The following CACNA1B variants were observed in gnomAD, a reference collection of about 807,000 sequenced individuals.
CACNA1B encodes the protein voltage-dependent N-type calcium channel subunit alpha-1B.
CACNA1B carries 70 observed loss-of-function variants against 247.2 expected under a neutral mutation model. That is an observed-to-expected ratio of 0.28 (90% CI 0.23 to 0.35). CACNA1B has a LOEUF of 0.35. Ranked by LOEUF, CACNA1B falls within the 10% of genes least tolerant of loss-of-function variation. The pLI is 1.00. For synonymous variants in CACNA1B, 1,231 were observed against 1,294.4 expected, an observed-to-expected ratio of 0.95 and a Z score of 1.05; for missense variants, 2,367 against 3,197.4, an observed-to-expected ratio of 0.74 and a Z score of 6.26.
At chr9:137,879,452 C>T (rs916712812) in intron 2 of CACNA1B, among the ~76,000 whole-genome samples, 4 of 152,216 alleles carry the variant, frequency 2.6e-5, no homozygotes, top group African/African-American at 9.6e-5. Flanking sequence ...AGACTTTGAT[C>T]CAGAAAACCA....
At chr9:138,093,118 TAGAAAA>T (rs1960933634) in intron 36 of CACNA1B, among the ~76,000 whole-genome samples, 1 of 151,812 alleles carries the variant, frequency 6.6e-6, no homozygotes, top group Non-Finnish European at 1.5e-5. Flanking sequence ...GAAAAAAAGA[TAGAAAA>T]AGAAAAGAGA....
rs566305128 is a variant in CACNA1B at position 137,921,665 on chromosome 9, T to C, written c.966+4234T>C. Reference sequence around the variant, plus strand: ...TGATCAGCACCACGACCGCACAGCATCCTGGGAGCAGAGTAAAGCGTTCGG... The same window carrying C: ...TGATCAGCACCACGACCGCACAGCACCCTGGGAGCAGAGTAAAGCGTTCGG... On this transcript the variant is annotated intron_variant, in intron 6 of 46. Coordinates refer to ENST00000371372, the MANE Select transcript of CACNA1B (RefSeq NM_000718.4). Among the ~76,000 whole-genome samples, 3 of 142,988 alleles carry C rather than the reference T, an allele frequency of 2.1e-5. No homozygotes were observed. The East Asian group carries it at 6.3e-4, about 30-fold the overall frequency. The allele number at this position is 142,988 out of a possible 152,430, so 93.8% of individuals were successfully genotyped here.
intron 45 of CACNA1B, 104 bp from the exon 46 acceptor site, chr9:138,120,527 C>A: frequency 7.1e-7 from 1 of 1,399,336 alleles, no homozygotes; most frequent in Non-Finnish European, 9.5e-7. Context: ...TAACCCTCAC[C>A]CTAGCCTCCC....
intron 36 of CACNA1B, among the ~76,000 whole-genome samples, chr9:138,093,361 T>G (rs1960941858): frequency 7.9e-6 from 1 of 126,836 alleles, no homozygotes; most frequent in Non-Finnish European, 1.5e-5. Context: ...GAAGTTGCAG[T>G]GAGCCGAGAT....
intron 15 of CACNA1B, among the ~76,000 whole-genome samples, chr9:138,000,010 G>T (rs1415248332): frequency 6.6e-6 from 1 of 151,576 alleles, no homozygotes; most frequent in Admixed American, 6.6e-5. Flanking sequence ...AAAGGGAGTC[G>T]TAACTATAGG....
chr9:138,079,797 C>T (rs1206514346), intron 36 of CACNA1B, among the ~76,000 whole-genome samples: 2 of 146,936 alleles, frequency 1.4e-5, no homozygotes, highest in African/African-American at 5.1e-5. Context: ...CTCGCTAGAA[C>T]CCGGGAGGTG....
intron 26 of CACNA1B, among the ~76,000 whole-genome samples, chr9:138,055,129 C>CTT (rs1306363608): frequency 2.8e-5 from 4 of 140,710 alleles, no homozygotes; most frequent in Admixed American, 7.2e-5. Context: ...TTTTCTTTTT[C>CTT]TTTTTTTTTT....
At chr9:138,092,705 A>C (rs181048045) in intron 36 of CACNA1B, among the ~76,000 whole-genome samples, 1 of 152,354 alleles carries the variant, frequency 6.6e-6, no homozygotes, top group African/African-American at 2.4e-5. Flanking sequence ...GAAGTGATAA[A>C]TGTCCATGAA....
At chr9:138,065,100 G>A (rs1257626628) in intron 31 of CACNA1B, among the ~76,000 whole-genome samples, 1 of 152,180 alleles carries the variant, frequency 6.6e-6, no homozygotes, top group Non-Finnish European at 1.5e-5. Flanking sequence ...CAGCCTGTTA[G>A]CACCTGCTTC....
Position 137,955,645 on chromosome 9 carries a change from A to C in CACNA1B, c.1071-53A>C, listed in dbSNP as rs544495061. On this transcript the variant is annotated intron_variant, in intron 7 of 46. Coordinates refer to ENST00000371372, the MANE Select transcript of CACNA1B (RefSeq NM_000718.4). The surrounding 1 kb of genome is among the most constrained non-coding windows in gnomAD (Gnocchi z 6.9). The stretch of plus-strand genomic sequence containing the variant: ...GTCCTTTTTGTCTCTGGGGCTGCAC[A>C]CCTGTGGGGCTTGCACTCACCTGAT... 13 of 1,190,344 alleles carry C rather than the reference A, an allele frequency of 1.1e-5. No individual in the cohort carries two copies. Among genetic ancestry groups the C allele is most frequent in the Middle Eastern group, 3.9e-4 (2 of 5,194 alleles). 73.7% of individuals were successfully genotyped at this position (1,190,344 alleles called of 1,614,324 possible).
intron 3 of CACNA1B, among the ~76,000 whole-genome samples, chr9:137,886,262 T>TG (rs1372741976): frequency 6.6e-6 from 1 of 151,158 alleles, no homozygotes; most frequent in Non-Finnish European, 1.5e-5. Context: ...GTGTCTGACA[T>TG]GGGGGCCTCC....
intron 20 of CACNA1B, among the ~76,000 whole-genome samples, chr9:138,027,443 C>G (rs1958935293): frequency 6.6e-6 from 1 of 152,206 alleles, no homozygotes; most frequent in African/African-American, 2.4e-5. Context: ...ATACTTCTAA[C>G]TCTTTCTAAG....
At chr9:138,082,540 C>T (rs1170970132) in intron 36 of CACNA1B, among the ~76,000 whole-genome samples, 6 of 151,378 alleles carry the variant, frequency 4.0e-5, no homozygotes, top group South Asian at 4.2e-4. Flanking sequence ...TGATGATTGG[C>T]GTGATAATAG....
rs1477161774 is a variant in CACNA1B, at chr9:138,073,507, G to A, written c.4694G>A (p.Ser1565Asn). 2 of 1,612,070 alleles carry A rather than the reference G, an allele frequency of 1.2e-6. No individual in the cohort carries two copies. The highest frequency in any genetic ancestry group is 8.5e-7 in the Non-Finnish European group (1 of 1,178,334). ...IAETNNFINL[S>N]FLRLFRAARL... Reference sequence around the variant, plus strand: ...CTGCAGAACAATTTCATCAACCTCAGCTTCCTCCGCCTCTTTCGAGCTGCG... The same window carrying A: ...CTGCAGAACAATTTCATCAACCTCAACTTCCTCCGCCTCTTTCGAGCTGCG... Residue 1565 changes from serine (S) to asparagine (N), a missense_variant, in exon 33 of 47, where the codon AGC becomes AAC. By Grantham distance (46) the Ser-to-Asn change is conservative. This residue lies in a region of CACNA1B where 436 missense variants were observed against 679.5 expected (regional missense o/e 0.64). Transcript: ENST00000371372. This position sits in a 1 kb window ranked among gnomAD's most constrained non-coding sequence, Gnocchi z 6.4.
At chr9:138,021,942 C>T (rs1958850422) in intron 18 of CACNA1B, among the ~76,000 whole-genome samples, 3 of 152,222 alleles carry the variant, frequency 2.0e-5, no homozygotes, top group Non-Finnish European at 4.4e-5. Flanking sequence ...TGAGGTTTCT[C>T]CCTGGCGATG....
chr9:138,006,713 T>G, intron 15 of CACNA1B, 54 bp from the exon 16 acceptor site: 1 of 948,994 alleles, frequency 1.1e-6, no homozygotes, highest in Non-Finnish European at 1.7e-6. Context: ...GGGGTGCGTG[T>G]GTGTGGGGAA....
At chr9:138,031,221 T>C (rs1054011312) in intron 20 of CACNA1B, among the ~76,000 whole-genome samples, 1 of 152,180 alleles carries the variant, frequency 6.6e-6, no homozygotes, top group African/African-American at 2.4e-5. Context: ...CCACAGGTTT[T>C]CATATTGTAT....
At chr9:138,006,493 T>G (rs1958652491) in intron 15 of CACNA1B, among the ~76,000 whole-genome samples, 1 of 152,208 alleles carries the variant, frequency 6.6e-6, no homozygotes, top group South Asian at 2.1e-4. Context: ...CCTTCTCCTG[T>G]TGGGAGCTCC....
chr9:138,034,406 TCC>T, intron 20 of CACNA1B, among the ~76,000 whole-genome samples: 1 of 151,194 alleles, frequency 6.6e-6, no homozygotes, highest in South Asian at 2.1e-4. Flanking sequence ...AAGTCTAGGC[TCC>T]CCACCCAGTT....
Sources: allele counts gnomAD v4.1 joint callset (sites outside exome capture counted in the v4.1 genomes callset), GRCh38; gene constraint gnomAD v4.1.1; regional missense constraint gnomAD v4.1.1; non-coding constraint Gnocchi (gnomAD v3.1); transcripts MANE v1.5; gene names NCBI Gene and HGNC (gene_info 2026-07-23, HGNC 2026-07-21).